Variants in GLB1 observed in about 807,000 individuals in gnomAD.
The protein encoded by GLB1 is galactosidase beta 1, also known as beta-galactosidase.
A neutral mutation model predicts 74.0 loss-of-function variants in GLB1; 56 were observed. The observed-to-expected ratio is 0.76, with a 90% CI of 0.61 to 0.94. The LOEUF (loss-of-function observed/expected upper bound fraction) is 0.94. GLB1 is among the 40% of genes least tolerant of loss of function. The pLI is 0.00. For synonymous variants in GLB1, 323 were observed against 323.6 expected, an observed-to-expected ratio of 1.00 and a Z score of 0.02; for missense variants, 787 against 845.5, an observed-to-expected ratio of 0.93 and a Z score of 0.86.
At chr3:33,062,169 C>T (rs1204011500) in intron 5 of GLB1, among the ~76,000 whole-genome samples, 1 of 152,088 alleles carries the variant, frequency 6.6e-6, no homozygotes, top group African/African-American at 2.4e-5. Context: ...TTACAGAAAT[C>T]TTTATTTTTT....
intron 10 of GLB1, among the ~76,000 whole-genome samples, chr3:33,027,832 G>A (rs1482033847): frequency 6.6e-6 from 1 of 152,060 alleles, no homozygotes; most frequent in Non-Finnish European, 1.5e-5. Flanking sequence ...ACAAAAGACT[G>A]TTATAGTGAA....
At chr3:33,084,267 A>G (rs1299612661) in intron 1 of GLB1, among the ~76,000 whole-genome samples, 1 of 152,214 alleles carries the variant, frequency 6.6e-6, no homozygotes, top group East Asian at 1.9e-4. Context: ...GGGTATTTGC[A>G]TAACACGGGC....
intron 1 of GLB1, chr3:33,091,074 C>A: frequency 2.0e-6 from 2 of 985,308 alleles, no homozygotes; most frequent in Non-Finnish European, 2.4e-6. Context: ...TGAAATGGCA[C>A]CATCTAGCCC....
At chr3:32,985,801 C>A in the GLB1 span, among the ~76,000 whole-genome samples, 1 of 151,928 alleles carries the variant, frequency 6.6e-6, no homozygotes, top group African/African-American at 2.4e-5. Context: ...CACCTCCCGG[C>A]TTCAAGCGAT....
the GLB1 span, among the ~76,000 whole-genome samples, chr3:32,979,223 G>T: frequency 6.6e-6 from 1 of 151,958 alleles, no homozygotes; most frequent in Admixed American, 6.6e-5. Context: ...TGATCCACCT[G>T]CTCCGGTCTC....
intron 10 of GLB1, chr3:33,045,512 C>T: frequency 3.0e-6 from 3 of 988,154 alleles, no homozygotes; most frequent in Non-Finnish European, 3.6e-6. Flanking sequence ...AGTTTATCTT[C>T]TTCTCTCTTG....
chr3:32,961,746 CATT>C, the GLB1 span, among the ~76,000 whole-genome samples: 1 of 152,182 alleles, frequency 6.6e-6, no homozygotes, highest in African/African-American at 2.4e-5. Flanking sequence ...GAAAAGATTT[CATT>C]ATCATGATAA....
chr3:32,966,047 A>T, the GLB1 span, among the ~76,000 whole-genome samples: 1 of 152,182 alleles, frequency 6.6e-6, no homozygotes, highest in Non-Finnish European at 1.5e-5. Context: ...GAATCTCTGT[A>T]GTGCAGAAGG....
At chr3:33,089,916 A>C (rs1332451237) in intron 1 of GLB1, among the ~76,000 whole-genome samples, 1 of 152,262 alleles carries the variant, frequency 6.6e-6, no homozygotes, top group Non-Finnish European at 1.5e-5. Context: ...GAACAAAAAA[A>C]ATGGTTAAGA....
chr3:33,034,100 G>T (rs1441152735), intron 10 of GLB1: 2 of 586,268 alleles, frequency 3.4e-6, no homozygotes. Context: ...GTGCTCCTAT[G>T]ATTGGAAAGT....
chr3:33,087,759 A>G (rs1478252590), intron 1 of GLB1, among the ~76,000 whole-genome samples: 1 of 152,202 alleles, frequency 6.6e-6, no homozygotes, highest in Non-Finnish European at 1.5e-5. Flanking sequence ...AATTTATTCT[A>G]TGAGACCAAT....
chr3:33,068,237 G>A lies in GLB1; in HGVS notation c.450C>T (p.Ser150=), dbSNP rs140353187. The A allele has an allele frequency of 4.3e-5, 69 of 1,614,022 alleles. No individual in the cohort carries two copies. The highest frequency in any genetic ancestry group is 3.3e-4 in the African/African-American group (25 of 75,046). The change falls in exon 4 of 16, where the codon TCC becomes TCT. Residue 150 remains serine (S), a synonymous_variant. Transcript: ENST00000307363. ...ACATCTGTAACAACCTACCTGGGTC[G>A]GAGGAGCGGAGAAGAATAGACTCTT... The part of the protein sequence containing the change: ...LEKESILLRS[S]DPDYLAAVDK...
chr3:32,998,337 G>A (rs1261842890), intron 15 of GLB1, among the ~76,000 whole-genome samples: 3 of 152,026 alleles, frequency 2.0e-5, no homozygotes, highest in Admixed American at 1.3e-4. Flanking sequence ...GTGAAACCCC[G>A]TCTCTACTAA....
the GLB1 span, among the ~76,000 whole-genome samples, chr3:32,966,918 G>A: frequency 6.6e-6 from 1 of 152,142 alleles, no homozygotes; most frequent in Non-Finnish European, 1.5e-5. Flanking sequence ...TGATTGTGAG[G>A]CCTCCCCAGC....
intron 1 of GLB1, among the ~76,000 whole-genome samples, chr3:33,083,519 G>C (rs1700400343): frequency 6.6e-6 from 1 of 152,052 alleles, no homozygotes. Flanking sequence ...GATTTGACCT[G>C]TGTGCAAATT....
chr3:33,023,312 G>T (rs1697581992), intron 11 of GLB1, among the ~76,000 whole-genome samples: 1 of 152,172 alleles, frequency 6.6e-6, no homozygotes. Flanking sequence ...CCCTTTACAA[G>T]AGTGACTGAA....
chr3:33,021,225 T>C (rs1697462301), intron 12 of GLB1: 1 of 349,078 alleles, frequency 2.9e-6, no homozygotes. Flanking sequence ...ACTGTCTGTT[T>C]TGAGTATTAA....
At chr3:33,003,339 G>A (rs909779272) in intron 15 of GLB1, among the ~76,000 whole-genome samples, 14 of 152,096 alleles carry the variant, frequency 9.2e-5, no homozygotes, top group Non-Finnish European at 1.8e-4. Context: ...ACCACCTCAC[G>A]TATCTGGAAC....
At chr3:33,028,095 G>A (rs1419840929) in intron 10 of GLB1, among the ~76,000 whole-genome samples, 1 of 151,952 alleles carries the variant, frequency 6.6e-6, no homozygotes, top group Non-Finnish European at 1.5e-5. Flanking sequence ...GTAGAAATGG[G>A]GTCTCACTAT....
Sources: allele counts gnomAD v4.1 joint callset (sites outside exome capture counted in the v4.1 genomes callset), GRCh38; gene constraint gnomAD v4.1.1; transcripts MANE v1.5; gene names NCBI Gene and HGNC (gene_info 2026-07-23, HGNC 2026-07-21).